The following RBFOX2 variants were observed in gnomAD, a reference collection of about 807,000 sequenced individuals.
RBFOX2 encodes RNA binding protein fox-1 homolog 2.
In RBFOX2, 10 loss-of-function variants were observed where a neutral mutation model predicts 49.1. The ratio of observed to expected loss-of-function variants is 0.20; its 90% CI spans 0.13 to 0.35. The LOEUF (loss-of-function observed/expected upper bound fraction) is 0.35. Among genes scored for constraint, RBFOX2 ranks in the 10% least tolerant of loss-of-function variants. RBFOX2 has a pLI of 1.00. For missense variants in RBFOX2, 323 were observed against 486.9 expected, an observed-to-expected ratio of 0.66 and a Z score of 3.17; for synonymous variants, 183 against 187.4, an observed-to-expected ratio of 0.98 and a Z score of 0.19.
At chr22:35,834,101 T>C (rs1005491485) in intron 1 of RBFOX2, among the ~76,000 whole-genome samples, 1 of 152,200 alleles carries the variant, frequency 6.6e-6, no homozygotes, top group African/African-American at 2.4e-5. Context: ...ATTTACTGAA[T>C]ACCCAATACC....
chr22:35,796,107 G>A (rs746859761), intron 2 of RBFOX2, among the ~76,000 whole-genome samples: 1 of 152,120 alleles, frequency 6.6e-6, no homozygotes, highest in Non-Finnish European at 1.5e-5. Context: ...CCTAAGTGCT[G>A]AGATTACAGG....
intron 1 of RBFOX2, chr22:35,897,566 T>G (rs137871377): frequency 1.1e-6 from 1 of 908,784 alleles, no homozygotes; most frequent in Non-Finnish European, 1.9e-6. Context: ...ACAGCAAAGA[T>G]GTACTTCACC....
intron 2 of RBFOX2, 132 bp from the exon 4 acceptor site, chr22:35,781,878 GCAA>G (rs1352980800): frequency 4.0e-6 from 4 of 1,003,248 alleles, no homozygotes; most frequent in East Asian, 2.6e-5. Context: ...AAAGACAAAA[GCAA>G]CAACAACAGC....
intron 1 of RBFOX2, chr22:35,993,704 T>C (rs1244677530): frequency 6.6e-6 from 1 of 152,168 alleles, no homozygotes; most frequent in Non-Finnish European, 1.5e-5. Context: ...AGGGAGGGTA[T>C]GTTGTAGTGC....
At chr22:35,952,038 G>A (rs969519179) in intron 1 of RBFOX2, among the ~76,000 whole-genome samples, 1 of 152,028 alleles carries the variant, frequency 6.6e-6, no homozygotes, top group Admixed American at 6.5e-5. Flanking sequence ...CTTTCCTTTC[G>A]GGAGTCTGGA....
chr22:36,028,365 C>T (rs1242267651), exon 1 of RBFOX2: 1 of 1,392,084 alleles, frequency 7.2e-7, no homozygotes, highest in Non-Finnish European at 9.3e-7. Context: ...CGCTTCATGC[C>T]CCGGGCGGCG....
chr22:35,901,094 G>T (rs967036307), intron 1 of RBFOX2, among the ~76,000 whole-genome samples: 2 of 152,150 alleles, frequency 1.3e-5, no homozygotes, highest in African/African-American at 4.8e-5. Flanking sequence ...CAATATCTCT[G>T]TAAGACAGGC....
intron 1 of RBFOX2, among the ~76,000 whole-genome samples, chr22:35,984,143 A>G (rs1169555424): frequency 6.6e-6 from 1 of 152,102 alleles, no homozygotes; most frequent in Non-Finnish European, 1.5e-5. Context: ...GTGTCCCCCT[A>G]GGCCAATGGT....
At chr22:35,801,447 A>ACACT (rs761056269) in intron 2 of RBFOX2, among the ~76,000 whole-genome samples, 21 of 117,852 alleles carry the variant, frequency 1.8e-4, no homozygotes, top group Admixed American at 6.2e-4. Context: ...ACACACACAC[A>ACACT]CTCTCTCTCT....
At chr22:35,983,714 G>A (rs773372089) in intron 1 of RBFOX2, among the ~76,000 whole-genome samples, 1 of 152,062 alleles carries the variant, frequency 6.6e-6, no homozygotes, top group Admixed American at 6.6e-5. Context: ...AACAGTGTTC[G>A]GCACTTGATA....
chr22:35,898,495 G>C (rs371315108), intron 1 of RBFOX2: 2 of 305,736 alleles, frequency 6.5e-6, no homozygotes, highest in African/African-American at 4.8e-5. Flanking sequence ...GCGTGATCTC[G>C]ACTCATCGCA....
chr22:36,027,068 T>C (rs1013849704), intron 1 of RBFOX2, among the ~76,000 whole-genome samples: 1 of 108,120 alleles, frequency 9.2e-6, no homozygotes, highest in African/African-American at 1.3e-4. Flanking sequence ...CACCATCTTC[T>C]CTGGACTTCT....
At chr22:35,770,690 A>G (rs1942414301) in intron 4 of RBFOX2, among the ~76,000 whole-genome samples, 1 of 152,142 alleles carries the variant, frequency 6.6e-6, no homozygotes, top group Non-Finnish European at 1.5e-5. Flanking sequence ...CTTTTCTGAA[A>G]TGTGTTGAAA....
At chr22:35,898,648 G>C (rs561342835) in intron 1 of RBFOX2, among the ~76,000 whole-genome samples, 4 of 151,732 alleles carry the variant, frequency 2.6e-5, no homozygotes, top group Non-Finnish European at 5.9e-5. Flanking sequence ...GGTTGGTCTT[G>C]AACTCCTGAC....
chr22:35,862,266 C>T (rs2043175508), intron 1 of RBFOX2, among the ~76,000 whole-genome samples: 1 of 151,476 alleles, frequency 6.6e-6, no homozygotes, highest in Admixed American at 6.6e-5. Flanking sequence ...TATATAGGTG[C>T]AGTTCATTGT....
chr22:35,862,584 G>C (rs1055034268), intron 1 of RBFOX2, among the ~76,000 whole-genome samples: 13 of 152,162 alleles, frequency 8.5e-5, no homozygotes, highest in African/African-American at 3.1e-4. Flanking sequence ...CCCACTTCAG[G>C]AGGGCAGGTA....
rs554002157 is a variant in RBFOX2 at position 35,890,549 on chromosome 22, C to T, written c.-34+48298G>A. ...TAACTAGAGATACAGAAAGTGAAGCCATGGATAAGGGGGACTACTATACTG... is the reference window on the plus strand; with the variant it reads ...TAACTAGAGATACAGAAAGTGAAGCTATGGATAAGGGGGACTACTATACTG... On this transcript the variant is annotated intron_variant, in intron 1 of 13. Transcript: ENST00000359369. Among the ~76,000 whole-genome samples, 101 of 152,174 alleles carry T rather than the reference C, an allele frequency of 6.6e-4. No homozygotes were observed. The South Asian group carries it at 0.02, about 30-fold the overall frequency.
intron 1 of RBFOX2, among the ~76,000 whole-genome samples, chr22:35,944,806 C>T (rs919127206): frequency 6.6e-6 from 1 of 151,914 alleles, no homozygotes; most frequent in Admixed American, 6.6e-5. Flanking sequence ...CCAGCCGCGG[C>T]GGCTCACGGC....
intron 1 of RBFOX2, among the ~76,000 whole-genome samples, chr22:35,868,745 T>C (rs2043989431): frequency 6.6e-6 from 1 of 152,234 alleles, no homozygotes. Context: ...ATACGTACAC[T>C]GTTCTGGGGA....
Sources: gnomAD v4.1 joint callset for allele counts (sites outside exome capture counted in the v4.1 genomes callset) on GRCh38, gnomAD v4.1.1 for gene constraint, MANE v1.5 for transcripts, NCBI Gene and HGNC (gene_info 2026-07-23, HGNC 2026-07-21) for gene names.